Variants in NCK1 observed in about 807,000 individuals in gnomAD.
NCK1 encodes SH2/SH3 adapter protein NCK1.
In NCK1, 19 loss-of-function variants were observed where a neutral mutation model predicts 36.6. That is an observed-to-expected ratio of 0.52 (90% CI 0.36 to 0.76). The LOEUF is 0.76. Among genes scored for constraint, NCK1 ranks in the 30% least tolerant of loss-of-function variants. The pLI is 0.00. For missense variants in NCK1, 358 were observed against 445.6 expected, an observed-to-expected ratio of 0.80 and a Z score of 1.77; for synonymous variants, 165 against 156.0, an observed-to-expected ratio of 1.06 and a Z score of -0.43.
chr3:136,874,913 C>A lies in NCK1; in HGVS notation c.-19+12560C>A, dbSNP rs563304392. 3.3e-5 allele frequency among the ~76,000 whole-genome samples: 5 copies of A among 152,256 alleles called. No homozygotes were observed. The South Asian group carries it at 1.0e-3, about 32-fold the overall frequency. On this transcript the variant is annotated intron_variant, in intron 1 of 3. Transcript: ENST00000481752. ...CTTGCTGCATTGTTTTCTAGCTTGT[C>A]ATCCTTTTGAGAAGTCTGAAGACAT... is the stretch of plus-strand genomic sequence containing the variant.
At chr3:136,919,509 G>T (rs1221144407) in intron 1 of NCK1, among the ~76,000 whole-genome samples, 1 of 151,998 alleles carries the variant, frequency 6.6e-6, no homozygotes, top group African/African-American at 2.4e-5. Flanking sequence ...TAACATCCTA[G>T]TATTATGAAA....
chr3:136,874,165 C>T (rs953203890), intron 1 of NCK1, among the ~76,000 whole-genome samples: 1 of 152,004 alleles, frequency 6.6e-6, no homozygotes, highest in African/African-American at 2.4e-5. Context: ...CATTCATTTA[C>T]AGTTTTTTAC....
intron 2 of NCK1, among the ~76,000 whole-genome samples, chr3:136,938,059 T>A (rs1404713728): frequency 6.6e-6 from 1 of 152,200 alleles, no homozygotes; most frequent in Non-Finnish European, 1.5e-5. Context: ...ATGCCCTTTA[T>A]TATATTGAGG....
At chr3:136,929,319 A>G (rs1210712409) in intron 2 of NCK1, among the ~76,000 whole-genome samples, 1 of 152,224 alleles carries the variant, frequency 6.6e-6, no homozygotes, top group East Asian at 1.9e-4. Context: ...GTTTTTAACC[A>G]TTGTAAAACT....
chr3:136,869,552 AAAAG>A lies in NCK1; in HGVS notation c.-19+7211_-19+7214del, dbSNP rs1194469743. On this transcript the variant is annotated intron_variant, in intron 1 of 3. Transcript: ENST00000481752. ...AGAGCGAGATTGTCTCAAAAGAAAA[AAAAG>A]AAAGAAAGAAAAATCATTTGTTCCA... 6.6e-5 allele frequency among the ~76,000 whole-genome samples: 10 copies of A among 152,346 alleles called. No homozygotes were observed. The South Asian group carries it at 8.3e-4, about 13-fold the overall frequency.
At chr3:136,897,665 C>T (rs1939424853) in intron 1 of NCK1, among the ~76,000 whole-genome samples, 1 of 152,160 alleles carries the variant, frequency 6.6e-6, no homozygotes, top group Admixed American at 6.6e-5. Context: ...TTCTCCCATT[C>T]AGCAGATTGT....
At chr3:136,902,198 T>TTTTTTTTTTTTTTTTTTTTG (rs1939561830) in intron 1 of NCK1, among the ~76,000 whole-genome samples, 1 of 131,502 alleles carries the variant, frequency 7.6e-6, no homozygotes, top group African/African-American at 2.7e-5. Flanking sequence ...TTTTTTTTTT[T>TTTTTTTTTTTTTTTTTTTTG]TTTTGTTTTT....
intron 2 of NCK1, among the ~76,000 whole-genome samples, chr3:136,939,956 A>G (rs774778303): frequency 6.0e-5 from 9 of 150,258 alleles, no homozygotes; most frequent in South Asian, 2.1e-4. Context: ...GGTTCAAGCA[A>G]TCCTCCCAAC....
intron 1 of NCK1, among the ~76,000 whole-genome samples, chr3:136,906,549 A>G (rs1403398388): frequency 1.3e-5 from 2 of 152,156 alleles, no homozygotes; most frequent in Non-Finnish European, 2.9e-5. Context: ...GGTTCAGGTA[A>G]GCCAATCTTT....
intron 2 of NCK1, among the ~76,000 whole-genome samples, chr3:136,929,291 A>G (rs2108131262): frequency 6.6e-6 from 1 of 152,346 alleles, no homozygotes; most frequent in East Asian, 1.9e-4. Flanking sequence ...AATTATCAAT[A>G]AAATACAAAT....
rs562123519 is a variant in NCK1, at chr3:136,885,963, G to A, written c.-19+23610G>A. ...TTAATAGGAGTTTTCTGATCTGAAC[G>A]TGTACAAAAGCAGCAGTACAGTGGT... On this transcript the variant is annotated intron_variant, in intron 1 of 3. Transcript: ENST00000481752. 5.8e-4 allele frequency among the ~76,000 whole-genome samples: 88 copies of A among 152,260 alleles called. 1 individual carries two copies. Among genetic ancestry groups the A allele is most frequent in the South Asian group, 5.2e-3 (25 of 4,830 alleles).
intron 1 of NCK1, among the ~76,000 whole-genome samples, chr3:136,891,301 A>G (rs1396532025): frequency 1.3e-5 from 2 of 151,894 alleles, no homozygotes; most frequent in Non-Finnish European, 1.5e-5. Flanking sequence ...TGCCTGGTTA[A>G]TTTTGTATTT....
intron 1 of NCK1, among the ~76,000 whole-genome samples, chr3:136,878,076 A>T (rs1165109603): frequency 6.6e-6 from 1 of 152,204 alleles, no homozygotes; most frequent in Middle Eastern, 3.2e-3. Flanking sequence ...CGACCACAGT[A>T]TTGTATGATA....
At chr3:136,886,451 T>C (rs750699277) in intron 1 of NCK1, among the ~76,000 whole-genome samples, 1 of 152,170 alleles carries the variant, frequency 6.6e-6, no homozygotes, top group South Asian at 2.1e-4. Context: ...ACCTAATACA[T>C]TGTAAATGGT....
Position 136,923,571 on chromosome 3 carries a change from TA to T in NCK1, c.-18-4410del, listed in dbSNP as rs547191282. On this transcript the variant is annotated intron_variant, in intron 1 of 3. Transcript: ENST00000481752. The stretch of plus-strand genomic sequence containing the variant: ...CGAGACTCCGTCTCAAATAAATAAA[TA>T]AATAAATAAATAAATAAATAAATGG... Among the ~76,000 whole-genome samples, 598 of 150,872 alleles carry T rather than the reference TA, an allele frequency of 4.0e-3. 3 individuals carry two copies. Among genetic ancestry groups the T allele is most frequent in the Middle Eastern group, 0.031 (9 of 294 alleles).
At chr3:136,920,116 CTCA>C (rs775758517) in intron 1 of NCK1, among the ~76,000 whole-genome samples, 2 of 152,100 alleles carry the variant, frequency 1.3e-5, no homozygotes, top group Non-Finnish European at 2.9e-5. Context: ...ACCCTAGTAT[CTCA>C]TCAAGTAATT....
chr3:136,923,527 C>T (rs1940166101), intron 1 of NCK1, among the ~76,000 whole-genome samples: 1 of 150,828 alleles, frequency 6.6e-6, no homozygotes, highest in Non-Finnish European at 1.5e-5. Context: ...TGCACTCCAG[C>T]CTGGGTGACA....
At chr3:136,942,373 A>G (rs1940701493) in intron 2 of NCK1, among the ~76,000 whole-genome samples, 1 of 152,196 alleles carries the variant, frequency 6.6e-6, no homozygotes, top group African/African-American at 2.4e-5. Flanking sequence ...TTACTAAACT[A>G]CTTTTATAAG....
At chr3:136,913,908 T>TCTGCCCA (rs567779084) in intron 1 of NCK1, among the ~76,000 whole-genome samples, 210 of 152,292 alleles carry the variant, frequency 1.4e-3, no homozygotes, top group African/African-American at 4.7e-3. Flanking sequence ...GACCTTGTGA[T>TCTGCCCA]CCTGGCCTCC....
Sources: allele counts gnomAD v4.1 joint callset (sites outside exome capture counted in the v4.1 genomes callset), GRCh38; gene constraint gnomAD v4.1.1; transcripts MANE v1.5; gene names NCBI Gene and HGNC (gene_info 2026-07-23, HGNC 2026-07-21).